Variants in PDE4D observed in about 807,000 individuals in gnomAD.
The protein encoded by PDE4D is 3',5'-cyclic-AMP phosphodiesterase 4D.
A neutral mutation model predicts 87.4 loss-of-function variants in PDE4D; 24 were observed. The observed-to-expected ratio is 0.27, with a 90% CI of 0.20 to 0.39. The LOEUF (loss-of-function observed/expected upper bound fraction) is 0.39. PDE4D is among the 10% of genes least tolerant of loss of function. The pLI is 1.00. For synonymous variants in PDE4D, 384 were observed against 383.2 expected (o/e 1.00, Z -0.02); for missense variants, 714 against 1,041.0 (o/e 0.69, Z 4.32).
intron 1 of PDE4D, among the ~76,000 whole-genome samples, chr5:59,829,293 TC>T (rs753803114): frequency 3.2e-4 from 49 of 152,158 alleles, no homozygotes; most frequent in Non-Finnish European, 6.0e-4. Flanking sequence ...TCCTTAATAA[TC>T]AACTGCTTGT....
intron 5 of PDE4D, among the ~76,000 whole-genome samples, chr5:59,100,073 T>C (rs1770473628): frequency 6.6e-6 from 1 of 152,214 alleles, no homozygotes; most frequent in Admixed American, 6.5e-5. Flanking sequence ...AACATTCCAA[T>C]ATTTTTCCAA....
chr5:59,208,709 T>G (rs42470), intron 2 of PDE4D, among the ~76,000 whole-genome samples: 6 of 152,210 alleles, frequency 3.9e-5, no homozygotes, highest in South Asian at 2.1e-4. Flanking sequence ...TTGAAGAAAC[T>G]TGTTTAGCTA....
At chr5:59,910,947 A>G (rs1351292558) in intron 3 of PDE4D, among the ~76,000 whole-genome samples, 2 of 152,266 alleles carry the variant, frequency 1.3e-5, no homozygotes, top group East Asian at 3.8e-4. Flanking sequence ...TGTAAAAGTT[A>G]TAACAGTGAA....
chr5:60,325,277 GA>G (rs1179083325), intron 1 of PDE4D, among the ~76,000 whole-genome samples: 2 of 152,132 alleles, frequency 1.3e-5, no homozygotes, highest in African/African-American at 4.8e-5. Context: ...ATTATAGGGG[GA>G]AAATAACCTC....
At chr5:60,278,032 C>A (rs1049201987) in intron 1 of PDE4D, among the ~76,000 whole-genome samples, 3 of 152,160 alleles carry the variant, frequency 2.0e-5, no homozygotes, top group Non-Finnish European at 4.4e-5. Flanking sequence ...CTTTTGTCCT[C>A]CCTGATGTTC....
intron 1 of PDE4D, among the ~76,000 whole-genome samples, chr5:60,224,259 T>C (rs1744839744): frequency 6.6e-6 from 1 of 152,134 alleles, no homozygotes. Flanking sequence ...AAAAGACTTC[T>C]TGAGGTTGAA....
chr5:59,723,932 GTTTTC>G (rs1009209541), intron 1 of PDE4D, among the ~76,000 whole-genome samples: 3 of 152,068 alleles, frequency 2.0e-5, no homozygotes. Context: ...ATTCATTGAG[GTTTTC>G]TTTTCTTTTC....
chr5:60,102,988 A>C (rs547204934), intron 2 of PDE4D, among the ~76,000 whole-genome samples: 23 of 152,114 alleles, frequency 1.5e-4, no homozygotes, highest in African/African-American at 4.1e-4. Context: ...AAAAAAAAAA[A>C]AACAGAAAAC....
At chr5:60,063,487 A>G (rs1315892498) in intron 2 of PDE4D, among the ~76,000 whole-genome samples, 1 of 152,130 alleles carries the variant, frequency 6.6e-6, no homozygotes, top group Non-Finnish European at 1.5e-5. Flanking sequence ...TCTTGCTTCT[A>G]GCCTCAGAGG....
At chr5:60,370,388 T>C (rs1385243550) in intron 1 of PDE4D, among the ~76,000 whole-genome samples, 1 of 152,214 alleles carries the variant, frequency 6.6e-6, no homozygotes, top group Non-Finnish European at 1.5e-5. Context: ...TATCATCGAC[T>C]ACATTCAACA....
chr5:60,441,064 C>T (rs546077155), intron 1 of PDE4D, among the ~76,000 whole-genome samples: 1 of 151,918 alleles, frequency 6.6e-6, no homozygotes, highest in Non-Finnish European at 1.5e-5. Context: ...AAAGAATATC[C>T]TAGAGAAGAA....
chr5:60,090,402 G>A (rs1221874429), intron 2 of PDE4D, among the ~76,000 whole-genome samples: 2 of 152,088 alleles, frequency 1.3e-5, no homozygotes, highest in Non-Finnish European at 2.9e-5. Flanking sequence ...GTGATACATT[G>A]TATCAACAGA....
At position 58,973,357 on chromosome 5, in the gene PDE4D, G is replaced by A. The variant is rs1742951511; in HGVS notation, c.*1307C>T. The A allele has an allele frequency of 6.6e-6, 1 of 152,124 alleles. No homozygotes were observed. Among genetic ancestry groups the A allele is most frequent in the African/African-American group, 2.4e-5 (1 of 41,416 alleles). The allele number at this position is 152,124 out of a possible 1,614,324, so 9.4% of individuals were successfully genotyped here. A position where few individuals can be genotyped will look rare whatever the true frequency, so the allele number is the denominator to read the frequency against. On this transcript the variant is annotated 3_prime_UTR_variant, in exon 15 of 15. Transcript: ENST00000340635. Reference sequence around the variant, plus strand: ...GACCTCATCTAGCAAACATGGATAAGGTTCAGACACACGCTAAATTATAAA... The same window carrying A: ...GACCTCATCTAGCAAACATGGATAAAGTTCAGACACACGCTAAATTATAAA...
At chr5:59,533,792 C>T (rs1172662949) in intron 1 of PDE4D, among the ~76,000 whole-genome samples, 1 of 152,246 alleles carries the variant, frequency 6.6e-6, no homozygotes, top group East Asian at 1.9e-4. Flanking sequence ...TTGGCCCTTC[C>T]AGGTGATTCT....
At chr5:59,298,732 A>G (rs1769597027) in intron 1 of PDE4D, among the ~76,000 whole-genome samples, 1 of 152,192 alleles carries the variant, frequency 6.6e-6, no homozygotes, top group Non-Finnish European at 1.5e-5. Flanking sequence ...AAGGTTTATG[A>G]TATGCTAAAG....
At chr5:60,064,213 G>A (rs1771802213) in intron 2 of PDE4D, among the ~76,000 whole-genome samples, 1 of 151,924 alleles carries the variant, frequency 6.6e-6, no homozygotes, top group South Asian at 2.1e-4. Flanking sequence ...TACTTACGGA[G>A]GGTTTACTGT....
At chr5:59,292,720 G>A (rs929565700) in intron 1 of PDE4D, among the ~76,000 whole-genome samples, 4 of 152,110 alleles carry the variant, frequency 2.6e-5, no homozygotes, top group African/African-American at 9.7e-5. Flanking sequence ...GCAGTTTTCT[G>A]TTTGTATTCA....
chr5:59,678,691 C>T (rs1748518508), intron 1 of PDE4D, among the ~76,000 whole-genome samples: 1 of 152,082 alleles, frequency 6.6e-6, no homozygotes, highest in Admixed American at 6.6e-5. Flanking sequence ...TCTTAAATTT[C>T]TGACCTCAAG....
intron 5 of PDE4D, among the ~76,000 whole-genome samples, chr5:59,170,166 C>T (rs1782535974): frequency 6.6e-6 from 1 of 152,080 alleles, no homozygotes; most frequent in Non-Finnish European, 1.5e-5. Flanking sequence ...TACAGGTGTG[C>T]ACCACCATGT....
Sources: gnomAD v4.1 joint callset for allele counts (sites outside exome capture counted in the v4.1 genomes callset) on GRCh38, gnomAD v4.1.1 for gene constraint, MANE v1.5 for transcripts, NCBI Gene and HGNC (gene_info 2026-07-23, HGNC 2026-07-21) for gene names.